PRCP: variants seen among roughly 807,000 people sequenced by gnomAD.
The protein encoded by PRCP is prolylcarboxypeptidase.
PRCP carries 46 observed loss-of-function variants against 54.2 expected under a neutral mutation model. That is an observed-to-expected ratio of 0.85 (90% CI 0.67 to 1.09). PRCP has a LOEUF of 1.09. PRCP is among the 50% of genes least tolerant of loss of function. PRCP has a pLI of 0.00. For synonymous variants in PRCP, 240 were observed against 212.2 expected (o/e 1.13, Z -1.14); for missense variants, 613 against 596.8 (o/e 1.03, Z -0.28).
chr11:82,881,645 TGG>T (rs1301646109), intron 1 of PRCP, among the ~76,000 whole-genome samples: 1 of 152,172 alleles, frequency 6.6e-6, no homozygotes, highest in Non-Finnish European at 1.5e-5. Flanking sequence ...TGGAATTATA[TGG>T]TACAAACTGG....
chr11:82,835,871 A>C (rs1858511291), intron 8 of PRCP: 2 of 475,524 alleles, frequency 4.2e-6, no homozygotes, highest in Non-Finnish European at 8.4e-6. Flanking sequence ...GAAGAATGTC[A>C]AGATCCCAGA....
intron 5 of PRCP, 63 bp downstream of exon 5, chr11:82,849,851 A>G (rs887645809): frequency 7.8e-7 from 1 of 1,285,142 alleles, no homozygotes; most frequent in East Asian, 2.8e-5. Context: ...AGCGACAACT[A>G]CTGAATTTAA....
At chr11:82,849,270 T>G (rs10792653) in intron 5 of PRCP, 52 bp from the exon 6 acceptor site, 718,990 of 1,563,552 alleles carry the variant, frequency 0.46, 166,236 homozygotes, top group Admixed American at 0.58. Flanking sequence ...TCAACAGATG[T>G]CTTTACAGAT....
intron 1 of PRCP, among the ~76,000 whole-genome samples, chr11:82,880,595 T>G (rs1387488130): frequency 1.3e-5 from 2 of 152,210 alleles, no homozygotes; most frequent in Admixed American, 1.3e-4. Context: ...ATCACCCATC[T>G]TCTGCATCAT....
intron 1 of PRCP, among the ~76,000 whole-genome samples, chr11:82,898,245 A>G (rs1860163322): frequency 6.6e-6 from 1 of 152,240 alleles, no homozygotes; most frequent in African/African-American, 2.4e-5. Flanking sequence ...AATATAAGCC[A>G]GTGGACAAAA....
intron 1 of PRCP, among the ~76,000 whole-genome samples, chr11:82,880,942 T>G (rs151022925): frequency 1.3e-5 from 2 of 152,290 alleles, no homozygotes; most frequent in Non-Finnish European, 2.9e-5. Flanking sequence ...CAGAATCATC[T>G]TCCTACAATA....
intron 1 of PRCP, among the ~76,000 whole-genome samples, chr11:82,862,817 C>T (rs1234637467): frequency 1.3e-5 from 2 of 152,218 alleles, no homozygotes; most frequent in Non-Finnish European, 2.9e-5. Flanking sequence ...TGTTAATTTA[C>T]TCAATCATTC....
intron 6 of PRCP, among the ~76,000 whole-genome samples, chr11:82,841,087 A>C (rs1041695144): frequency 1.3e-5 from 2 of 150,184 alleles, no homozygotes; most frequent in Non-Finnish European, 3.0e-5. Flanking sequence ...AGACTAGTCC[A>C]GAGAAGAAGC....
intron 6 of PRCP, among the ~76,000 whole-genome samples, chr11:82,848,127 T>C (rs563410377): frequency 6.6e-6 from 1 of 152,314 alleles, no homozygotes; most frequent in Non-Finnish European, 1.5e-5. Context: ...AAATTAAAAG[T>C]GCATTTGAAA....
chr11:82,899,846 G>A (rs1308182732), intron 1 of PRCP: 9 of 195,844 alleles, frequency 4.6e-5, no homozygotes, highest in African/African-American at 1.4e-4. Flanking sequence ...TTGTATTTAG[G>A]GCTGCCTTGG....
intron 6 of PRCP, chr11:82,839,673 A>C (rs538488768): frequency 1.4e-4 from 60 of 438,404 alleles, no homozygotes; most frequent in Middle Eastern, 6.6e-4. Flanking sequence ...TCCATCTACC[A>C]TCTTAGCTTC....
upstream of PRCP, chr11:82,900,830 G>A (rs1482353286): frequency 2.2e-6 from 1 of 461,310 alleles, no homozygotes; most frequent in South Asian, 1.5e-5. Context: ...ATTCCATTGC[G>A]ACACCTCCTG....
At chr11:82,859,869 T>TAC in intron 2 of PRCP, 108 bp downstream of exon 2, 2 of 1,125,006 alleles carry the variant, frequency 1.8e-6, no homozygotes, top group Non-Finnish European at 2.4e-6. Flanking sequence ...TACAGAACTT[T>TAC]ACAATTAAGA....
chr11:82,851,711 C>A lies in PRCP; in HGVS notation c.412-1206G>T, dbSNP rs532573852. On this transcript the variant is annotated intron_variant, in intron 3 of 8. Transcript: ENST00000313010. Reference sequence around the variant, plus strand: ...CTAGACAACGAATACAGCTACATACCTCTATTAGGCTACCCTGTTTGACTT... The same window carrying A: ...CTAGACAACGAATACAGCTACATACATCTATTAGGCTACCCTGTTTGACTT... 2.6e-5 allele frequency among the ~76,000 whole-genome samples: 4 copies of A among 152,130 alleles called. No homozygotes were observed. In the South Asian group the frequency reaches 6.2e-4, roughly 24 times the overall value.
intron 1 of PRCP, among the ~76,000 whole-genome samples, chr11:82,860,765 T>A (rs188107504): frequency 5.3e-5 from 8 of 152,242 alleles, no homozygotes; most frequent in African/African-American, 1.4e-4. Flanking sequence ...CAGCACACCA[T>A]AGATATTCTA....
chr11:82,849,297 A>T (rs1176142947), intron 5 of PRCP, 79 bp from the exon 6 acceptor site: 2 of 1,466,600 alleles, frequency 1.4e-6, no homozygotes, highest in African/African-American at 1.4e-5. Context: ...TTCTTCACAT[A>T]GTATTTTAGA....
chr11:82,885,714 C>T (rs1392391200), intron 1 of PRCP, among the ~76,000 whole-genome samples: 4 of 152,214 alleles, frequency 2.6e-5, no homozygotes, highest in African/African-American at 9.6e-5. Context: ...GGACCTTTCA[C>T]TCTTCCAAGA....
intron 1 of PRCP, among the ~76,000 whole-genome samples, chr11:82,896,614 T>A (rs2374347): frequency 5.5e-5 from 8 of 146,362 alleles, no homozygotes; most frequent in Non-Finnish European, 1.0e-4. Context: ...AGGAGGCAGA[T>A]GTTGCAGTGA....
At chr11:82,854,871 G>T (rs933558745) in intron 2 of PRCP, among the ~76,000 whole-genome samples, 12 of 152,106 alleles carry the variant, frequency 7.9e-5, no homozygotes, top group African/African-American at 2.9e-4. Context: ...CAAGCCACAT[G>T]CTTGCAACAA....
Sources: gnomAD v4.1 joint callset for allele counts (sites outside exome capture counted in the v4.1 genomes callset) on GRCh38, gnomAD v4.1.1 for gene constraint, MANE v1.5 for transcripts, NCBI Gene and HGNC (gene_info 2026-07-23, HGNC 2026-07-21) for gene names.